Variants in ETV1 observed in about 807,000 individuals in gnomAD.
The protein encoded by ETV1 is ETS translocation variant 1.
In ETV1, 27 loss-of-function variants were observed where a neutral mutation model predicts 62.3. The observed-to-expected ratio is 0.43, with a 90% confidence interval of 0.32 to 0.60. The LOEUF is 0.60. ETV1 is among the 20% of genes least tolerant of loss of function. ETV1 has a pLI of 0.06. For synonymous variants in ETV1, 222 were observed against 199.6 expected (o/e 1.11, Z -0.94); for missense variants, 605 against 605.8 (o/e 1.00, Z 0.01).
chr7:13,979,497 C>A (rs563738962), intron 5 of ETV1, among the ~76,000 whole-genome samples: 1 of 151,516 alleles, frequency 6.6e-6, no homozygotes, highest in Non-Finnish European at 1.5e-5. Context: ...AATTACAAGG[C>A]GAAGGGTGTG....
intron 11 of ETV1, among the ~76,000 whole-genome samples, chr7:13,908,374 C>G (rs1003357826): frequency 6.6e-6 from 1 of 152,018 alleles, no homozygotes; most frequent in African/African-American, 2.4e-5. Context: ...TTTTCAAGAT[C>G]TCTGCAAATA....
At chr7:13,922,429 A>G (rs1784949307) in intron 9 of ETV1, among the ~76,000 whole-genome samples, 2 of 152,212 alleles carry the variant, frequency 1.3e-5, no homozygotes, top group Admixed American at 6.5e-5. Flanking sequence ...AATGTCTTCA[A>G]TGTGAAAACA....
chr7:13,985,462 C>T, intron 5 of ETV1: 1 of 152,106 alleles, frequency 6.6e-6, no homozygotes, highest in South Asian at 2.1e-4. Flanking sequence ...ACTAGACTAT[C>T]AGCAAAACAA....
Position 13,935,891 on chromosome 7 carries a change from T to C in ETV1, c.371A>G (p.Tyr124Cys), listed in dbSNP as rs755598582. The change falls in exon 8 of 14, where the codon TAT becomes TGT. Residue 124 changes from tyrosine to cysteine, a missense_variant. Physicochemically the swap from Tyr to Cys is radical, Grantham distance 194 (BLOSUM62 -2). Coordinates refer to ENST00000430479, the MANE Select transcript of ETV1 (RefSeq NM_004956.5). ...CATTCCCACTTGTGGCTTCTGATCA[T>C]AGGCACTACCCAGGGGACAAAAGAA... ...GEKCLYNVSA[Y>C]DQKPQVGMRP... 1.1e-5 allele frequency: 18 copies of C among 1,612,462 alleles called. No homozygotes were observed. The highest frequency in any genetic ancestry group is 1.4e-5 in the Non-Finnish European group (17 of 1,178,964).
At chr7:13,935,562 G>A (rs1786706503) in intron 8 of ETV1, 146 bp downstream of exon 8, 5 of 619,378 alleles carry the variant, frequency 8.1e-6, no homozygotes, top group Admixed American at 5.9e-5. Context: ...TATAGATAGA[G>A]TGAGCTCTTT....
chr7:13,934,858 A>G (rs1311638641), intron 8 of ETV1, among the ~76,000 whole-genome samples: 5 of 152,316 alleles, frequency 3.3e-5, no homozygotes, highest in African/African-American at 1.2e-4. Context: ...AGCAAAAGCT[A>G]CTGATGAGGG....
chr7:13,935,853 G>C lies in ETV1; in HGVS notation c.409C>G (p.Pro137Ala), dbSNP rs779956322. The change falls in exon 8 of 14, where the codon CCC (proline) becomes GCC (alanine). Residue 137 changes from proline to alanine, a missense_variant. Physicochemically the swap from Pro to Ala is conservative, Grantham distance 27 (BLOSUM62 -1). Coordinates refer to ENST00000430479, the MANE Select transcript of ETV1 (RefSeq NM_004956.5). ...ACTGGCGTGCTGGATGGTGTGGGGG[G>C]GTTGGAGGGCCTCATTCCCACTTGT... ...KPQVGMRPSN[P>A]PTPSSTPVSP... 22 of 1,613,652 alleles carry C rather than the reference G, an allele frequency of 1.4e-5. No individual in the cohort carries two copies. The highest frequency in any genetic ancestry group is 1.7e-5 in the Non-Finnish European group (20 of 1,179,798).
intron 6 of ETV1, chr7:13,975,162 T>A (rs1404390170): frequency 2.0e-5 from 3 of 152,328 alleles, no homozygotes; most frequent in Middle Eastern, 6.8e-3. Flanking sequence ...TTTCGTGTGC[T>A]CAATGGCCAA....
At chr7:13,919,540 G>T (rs1215575922) in intron 9 of ETV1, among the ~76,000 whole-genome samples, 1 of 138,486 alleles carries the variant, frequency 7.2e-6, no homozygotes, top group Non-Finnish European at 1.5e-5. Flanking sequence ...TTTCCAGATT[G>T]TTAGAAACAA....
rs777490572 is a variant in ETV1, at chr7:13,895,302, G to T, written c.*564C>A. 8.6e-6 allele frequency: 2 copies of T among 233,732 alleles called. No homozygotes were observed. The highest frequency in any genetic ancestry group is 1.7e-5 in the Non-Finnish European group (2 of 118,244). 14.5% of individuals were successfully genotyped at this position (233,732 alleles called of 1,614,324 possible). A position where few individuals can be genotyped will look rare whatever the true frequency, so the allele number is the denominator to read the frequency against. On this transcript the variant is annotated 3_prime_UTR_variant, in exon 14 of 14. Transcript: ENST00000430479. ...ATAAAGCAAAATAAAACAACAAACAGCAAATGCAATCGCTAAATACCTTTT... is the reference window on the plus strand; with the variant it reads ...ATAAAGCAAAATAAAACAACAAACATCAAATGCAATCGCTAAATACCTTTT...
intron 9 of ETV1, among the ~76,000 whole-genome samples, chr7:13,929,054 C>G (rs1785774811): frequency 6.6e-6 from 1 of 152,142 alleles, no homozygotes; most frequent in Non-Finnish European, 1.5e-5. Context: ...TATATGATTT[C>G]CACATAAAGT....
In ETV1 at chr7:13,909,546, AG is replaced by A. The variant is rs1389013021; in HGVS notation, c.940+85del. The A allele has an allele frequency of 3.2e-6, 3 of 934,610 alleles. No homozygotes were observed. In the African/African-American group the frequency reaches 4.9e-5, roughly 15 times the overall value. The allele number at this position is 934,610 out of a possible 1,614,324, so 57.9% of individuals were successfully genotyped here. On this transcript the variant is annotated intron_variant, in intron 11 of 13. Coordinates refer to ENST00000430479, the MANE Select transcript of ETV1 (RefSeq NM_004956.5). ...ATTATGTGCATAGGAATCTTTAAGT[AG>A]GGATGTCCACTGTTTTCAGAAGAAG...
chr7:13,980,031 T>A (rs1781832769), intron 5 of ETV1, among the ~76,000 whole-genome samples: 1 of 152,196 alleles, frequency 6.6e-6, no homozygotes, highest in African/African-American at 2.4e-5. Context: ...GATAACAATC[T>A]GTAAAGAGTA....
In ETV1 at chr7:13,895,613, A is replaced by C. The variant is rs970362325; in HGVS notation, c.*253T>G. 2.6e-5 allele frequency: 12 copies of C among 454,400 alleles called. No homozygotes were observed. In the South Asian group the frequency reaches 5.6e-4, roughly 21 times the overall value. The allele number at this position is 454,400 out of a possible 1,614,324, so 28.1% of individuals were successfully genotyped here. ...AAGCCTAAGTAAAAAGTAATCCCCA[A>C]ATCCCTCTGCCCATTCACCCATTAG... On this transcript the variant is annotated 3_prime_UTR_variant, in exon 14 of 14. Transcript: ENST00000430479.
chr7:13,951,830 T>C (rs1367305466), intron 6 of ETV1, among the ~76,000 whole-genome samples: 1 of 152,194 alleles, frequency 6.6e-6, no homozygotes, highest in Non-Finnish European at 1.5e-5. Context: ...TAACACATAA[T>C]GAGAACTTGA....
intron 3 of ETV1, 96 bp from the exon 4 acceptor site, chr7:13,988,269 C>T: frequency 1.4e-6 from 1 of 739,082 alleles, no homozygotes; most frequent in African/African-American, 1.7e-5. Flanking sequence ...GACATGCATA[C>T]ATAAGTCTAA....
intron 6 of ETV1, among the ~76,000 whole-genome samples, chr7:13,966,852 T>C (rs931097011): frequency 1.4e-4 from 22 of 152,176 alleles, no homozygotes; most frequent in African/African-American, 4.6e-4. Context: ...AGCTCCATGA[T>C]AGCAGATATT....
intron 5 of ETV1, chr7:13,986,033 G>A (rs1046794231): frequency 1.8e-6 from 2 of 1,103,372 alleles, no homozygotes; most frequent in African/African-American, 3.2e-5. Flanking sequence ...AACATGAATA[G>A]TAACACATGG....
intron 6 of ETV1, among the ~76,000 whole-genome samples, chr7:13,954,644 A>G (rs1789208783): frequency 1.3e-5 from 2 of 152,174 alleles, no homozygotes; most frequent in Admixed American, 1.3e-4. Context: ...TCCAGTCTGT[A>G]TGTAAAAAGG....
Sources: gnomAD v4.1 joint callset for allele counts (sites outside exome capture counted in the v4.1 genomes callset) on GRCh38, gnomAD v4.1.1 for gene constraint, MANE v1.5 for transcripts, NCBI Gene and HGNC (gene_info 2026-07-23, HGNC 2026-07-21) for gene names.